ITPR1: variants seen among roughly 807,000 people sequenced by gnomAD.
ITPR1 encodes inositol 1,4,5-trisphosphate receptor type 1, also known as inositol 1,4,5-trisphosphate-gated calcium channel ITPR1.
In ITPR1, 96 loss-of-function variants were observed where a neutral mutation model predicts 318.4. The observed-to-expected ratio is 0.30, with a 90% confidence interval of 0.26 to 0.36. The LOEUF is 0.36. ITPR1 is among the 10% of genes least tolerant of loss of function. ITPR1 has a pLI of 1.00. For synonymous variants in ITPR1, 1,312 were observed against 1,289.9 expected (o/e 1.02, Z -0.37); for missense variants, 2,440 against 3,460.2 (o/e 0.71, Z 7.40).
chr3:4,771,524 A>G (rs750903176), intron 46 of ITPR1, among the ~76,000 whole-genome samples: 4 of 152,086 alleles, frequency 2.6e-5, no homozygotes, highest in Non-Finnish European at 5.9e-5. Context: ...TAAGGCTTTA[A>G]TTGCACAGGT....
At chr3:4,614,516 T>G (rs1443928196) in intron 4 of ITPR1, among the ~76,000 whole-genome samples, 1 of 152,230 alleles carries the variant, frequency 6.6e-6, no homozygotes, top group Non-Finnish European at 1.5e-5. Context: ...TATTACCTCT[T>G]TATAGTCAGG....
At chr3:4,733,060 C>T in intron 42 of ITPR1, 28 bp from the exon 43 acceptor site, 1 of 1,604,348 alleles carries the variant, frequency 6.2e-7, no homozygotes. Context: ...AATGCAGAAG[C>T]TGATTTTATT....
chr3:4,612,187 G>T (rs545404280), intron 4 of ITPR1, among the ~76,000 whole-genome samples: 2 of 145,080 alleles, frequency 1.4e-5, no homozygotes, highest in African/African-American at 5.0e-5. Flanking sequence ...TCAGCCTCCC[G>T]AGTAGCTGGG....
rs201949292 is a variant in ITPR1 at position 4,768,620 on chromosome 3, C to A, written c.5835C>A (p.Asp1945Glu). Residue 1945 changes from aspartate to glutamate, a missense_variant, in exon 46 of 62, where the codon GAC becomes GAA. This residue lies in a region of ITPR1 where 113 missense variants were observed against 103.6 expected (regional missense o/e 1.09). Transcript: ENST00000649015. ...FTTFRREADP[D>E]DHYQPGEGTQ... ...CTTTCAGGAGGGAGGCTGATCCCGA[C>A]GACCACTACCAGCCTGGAGAGGGCA... is the stretch of plus-strand genomic sequence containing the variant. The A allele has an allele frequency of 3.1e-6, 5 of 1,614,020 alleles. No individual in the cohort carries two copies. In the South Asian group the frequency reaches 5.5e-5, roughly 18 times the overall value.
intron 49 of ITPR1, 100 bp from the exon 50 acceptor site, chr3:4,782,519 T>G: frequency 3.1e-6 from 4 of 1,303,156 alleles, no homozygotes; most frequent in Non-Finnish European, 4.2e-6. Context: ...GGAACAGCCT[T>G]TTCCCTGGGA....
At chr3:4,496,074 C>A (rs1337463490) in intron 2 of ITPR1, among the ~76,000 whole-genome samples, 2 of 152,128 alleles carry the variant, frequency 1.3e-5, no homozygotes, top group African/African-American at 4.8e-5. Context: ...AACAAAACCA[C>A]AAGGAACATT....
At chr3:4,699,747 T>C (rs929778998) in intron 34 of ITPR1, 66 bp from the exon 35 acceptor site, 41 of 1,522,548 alleles carry the variant, frequency 2.7e-5, no homozygotes, top group Non-Finnish European at 1.8e-5. Flanking sequence ...CAGGAGGGAG[T>C]CGCAGATTTC....
At chr3:4,638,709 G>C (rs188194635) in intron 5 of ITPR1, among the ~76,000 whole-genome samples, 49 of 152,256 alleles carry the variant, frequency 3.2e-4, no homozygotes, top group African/African-American at 1.2e-3. Context: ...AGCTATGCAA[G>C]GGTGACCAAA....
intron 19 of ITPR1, among the ~76,000 whole-genome samples, chr3:4,670,132 G>A (rs1337356702): frequency 1.3e-5 from 2 of 152,162 alleles, no homozygotes; most frequent in African/African-American, 2.4e-5. Context: ...AGTCAGTGTT[G>A]GGAGGAGTTT....
Position 4,800,499 on chromosome 3 carries a change from C to G in ITPR1, c.7006C>G (p.Pro2336Ala). The part of the protein sequence containing the change: ...LISLAIVIAL[P>A]KPHGIRALIA... The stretch of plus-strand genomic sequence containing the variant: ...CTCTCTGGCCATCGTCATTGCCCTC[C>G]CCAAGCCCCATGGCATCCGGGCCTT... Residue 2336 changes from proline (P) to alanine (A), a missense_variant, in exon 54 of 62, where the codon CCC becomes GCC. Pro to Ala is a conservative substitution (Grantham distance 27). Coordinates refer to ENST00000649015, the MANE Select transcript of ITPR1 (RefSeq NM_001378452.1). 5 of 1,614,018 alleles carry G rather than the reference C, an allele frequency of 3.1e-6. No individual in the cohort carries two copies. Among genetic ancestry groups the G allele is most frequent in the Non-Finnish European group, 4.2e-6 (5 of 1,179,872 alleles).
At chr3:4,505,089 G>C (rs304032) in intron 2 of ITPR1, among the ~76,000 whole-genome samples, 96,833 of 151,980 alleles carry the variant, frequency 0.64, 31,013 homozygotes, top group East Asian at 0.8. Flanking sequence ...CCTTATCCTC[G>C]GTTCTGAGGG....
At chr3:4,819,698 G>C (rs749339780) in intron 60 of ITPR1, among the ~76,000 whole-genome samples, 1 of 152,196 alleles carries the variant, frequency 6.6e-6, no homozygotes, top group Non-Finnish European at 1.5e-5. Flanking sequence ...CGGAGGAAGG[G>C]ACTTCTGGGA....
chr3:4,790,598 T>C (rs2047495885), intron 52 of ITPR1, among the ~76,000 whole-genome samples: 1 of 152,150 alleles, frequency 6.6e-6, no homozygotes, highest in Admixed American at 6.5e-5. Flanking sequence ...ATGAAATGCA[T>C]TTTCCCCTCT....
chr3:4,782,565 C>G (rs1163002315), intron 49 of ITPR1, 54 bp from the exon 50 acceptor site: 1 of 1,556,352 alleles, frequency 6.4e-7, no homozygotes, highest in African/African-American at 1.4e-5. Flanking sequence ...TCCATCCAGT[C>G]CTGTGTGGGT....
chr3:4,599,756 G>T (rs1448535249), intron 4 of ITPR1, among the ~76,000 whole-genome samples: 1 of 152,194 alleles, frequency 6.6e-6, no homozygotes, highest in South Asian at 2.1e-4. Flanking sequence ...CAGTGTGTTG[G>T]ACTTGACTTC....
chr3:4,813,734 A>C (rs1311726531), intron 57 of ITPR1, among the ~76,000 whole-genome samples: 1 of 152,206 alleles, frequency 6.6e-6, no homozygotes, highest in African/African-American at 2.4e-5. Flanking sequence ...ATTATAAGGA[A>C]GGAGAGTGGC....
chr3:4,576,322 A>G (rs929026161), intron 4 of ITPR1, among the ~76,000 whole-genome samples: 1 of 152,248 alleles, frequency 6.6e-6, no homozygotes, highest in African/African-American at 2.4e-5. Flanking sequence ...TGTGCATAAG[A>G]ATATCTTGGT....
chr3:4,667,609 A>C, intron 18 of ITPR1, 60 bp downstream of exon 18: 1 of 1,488,284 alleles, frequency 6.7e-7, no homozygotes, highest in East Asian at 2.3e-5. Context: ...GCAGGGACTT[A>C]GCTGGTGCTT....
At chr3:4,767,444 G>A (rs764667235) in intron 45 of ITPR1, among the ~76,000 whole-genome samples, 21 of 152,266 alleles carry the variant, frequency 1.4e-4, no homozygotes, top group Non-Finnish European at 2.6e-4. Context: ...CTAGACAGGA[G>A]CTAAAGAGAA....
Sources: gnomAD v4.1 joint callset for allele counts (sites outside exome capture counted in the v4.1 genomes callset) on GRCh38, gnomAD v4.1.1 for gene constraint, gnomAD v4.1.1 regional missense constraint, MANE v1.5 for transcripts, NCBI Gene and HGNC (gene_info 2026-07-23, HGNC 2026-07-21) for gene names.